The following PCDH15 variants were observed in gnomAD, a reference collection of about 807,000 sequenced individuals.
PCDH15 encodes protocadherin-15.
Under a neutral mutation model 178.5 loss-of-function variants are expected in PCDH15, and 129 were observed. That is an observed-to-expected ratio of 0.72 (90% CI 0.63 to 0.84). The LOEUF (loss-of-function observed/expected upper bound fraction) is 0.84, where lower values mean the gene tolerates loss of function less well. Ranked by LOEUF, PCDH15 falls within the 40% of genes least tolerant of loss-of-function variation. The pLI, the probability that PCDH15 is intolerant of heterozygous loss-of-function variation, is 0.00. For synonymous variants in PCDH15, 800 were observed against 732.0 expected (o/e 1.09, Z -1.50); for missense variants, 2,230 against 2,099.9 (o/e 1.06, Z -1.21).
chr10:54,711,572 G>T (rs932969909), intron 1 of PCDH15, among the ~76,000 whole-genome samples: 2 of 151,770 alleles, frequency 1.3e-5, no homozygotes, highest in Non-Finnish European at 2.9e-5. Context: ...AGTAGGTATA[G>T]ACCTTAAAGT....
rs145667993 is a variant in PCDH15 at position 55,300,637 on chromosome 10, A to T, written c.-156+18962T>A. Reference sequence around the variant, plus strand: ...TGATGAGATTTTTCCGGGAATTCTTAAAAAATTAAGCTCAAGTATTACATT... The same window carrying T: ...TGATGAGATTTTTCCGGGAATTCTTTAAAAATTAAGCTCAAGTATTACATT... On this transcript the variant is annotated intron_variant, in intron 1 of 5. Transcript: ENST00000458638. Among the ~76,000 whole-genome samples the T allele has an allele frequency of 9.9e-5, 15 of 152,284 alleles. 1 individual carries two copies. Among genetic ancestry groups the T allele is most frequent in the Middle Eastern group, 6.8e-3 (2 of 294 alleles).
intron 8 of PCDH15, among the ~76,000 whole-genome samples, chr10:54,310,583 C>T (rs1202442608): frequency 2.0e-5 from 3 of 151,826 alleles, no homozygotes; most frequent in Non-Finnish European, 4.4e-5. Context: ...AGGCATCTGC[C>T]AGAAACACAG....
chr10:54,798,299 G>A (rs1043481978), intron 1 of PCDH15, among the ~76,000 whole-genome samples: 3 of 151,702 alleles, frequency 2.0e-5, no homozygotes, highest in Middle Eastern at 3.2e-3. Flanking sequence ...AATAAATGAA[G>A]CCCCACAGGT....
rs146467239 is a variant in PCDH15 at position 55,352,665 on chromosome 10, G to A, written c.-155-186014C>T. On this transcript the variant is annotated intron_variant, in intron 2 of 5. Coordinates refer to the PCDH15 transcript ENST00000613346. ...CTGAGCGAAAATCAAAAAAGTCATC[G>A]TTTTGAAGTGTTGTCTCCTCTTATT... 3.2e-4 allele frequency among the ~76,000 whole-genome samples: 48 copies of A among 152,168 alleles called. 1 individual carries two copies. In the East Asian group the frequency reaches 8.3e-3, roughly 26 times the overall value.
intron 18 of PCDH15, among the ~76,000 whole-genome samples, chr10:54,054,782 A>T (rs2093850046): frequency 6.6e-6 from 1 of 152,016 alleles, no homozygotes; most frequent in Non-Finnish European, 1.5e-5. Context: ...TATGTAGCAC[A>T]TTTATATTGA....
At chr10:54,255,956 C>T (rs751873556) in intron 8 of PCDH15, among the ~76,000 whole-genome samples, 6 of 152,140 alleles carry the variant, frequency 3.9e-5, no homozygotes, top group Non-Finnish European at 8.8e-5. Context: ...ACAAGAATAA[C>T]TTAAACTCCT....
At chr10:54,247,965 T>TATATAA (rs1219174871) in intron 8 of PCDH15, among the ~76,000 whole-genome samples, 213 of 140,774 alleles carry the variant, frequency 1.5e-3, no homozygotes, top group African/African-American at 4.8e-3. Context: ...TATATACACA[T>TATATAA]ACAGTAAATG....
chr10:55,434,628 C>CAA (rs1360347974), intron 2 of PCDH15, among the ~76,000 whole-genome samples: 1 of 146,128 alleles, frequency 6.8e-6, no homozygotes, highest in Admixed American at 6.8e-5. Context: ...TTTTTTGAGA[C>CAA]AGAGTCTTGC....
chr10:54,088,597 G>T (rs909447032), intron 16 of PCDH15, among the ~76,000 whole-genome samples: 1 of 152,046 alleles, frequency 6.6e-6, no homozygotes, highest in Non-Finnish European at 1.5e-5. Flanking sequence ...TGCATTTTGT[G>T]TCATATCTCA....
At chr10:54,092,726 T>C (rs1253187918) in intron 15 of PCDH15, among the ~76,000 whole-genome samples, 2 of 152,160 alleles carry the variant, frequency 1.3e-5, no homozygotes, top group African/African-American at 4.8e-5. Context: ...CAAATAATGA[T>C]ACTCAGCTAA....
At chr10:54,663,267 G>T (rs1383334921) in intron 2 of PCDH15, among the ~76,000 whole-genome samples, 1 of 151,688 alleles carries the variant, frequency 6.6e-6, no homozygotes, top group African/African-American at 2.4e-5. Flanking sequence ...AGAGCAACCA[G>T]TTTGCTTGTC....
intron 2 of PCDH15, among the ~76,000 whole-genome samples, chr10:55,580,466 T>C (rs1220462121): frequency 6.6e-6 from 1 of 151,742 alleles, no homozygotes; most frequent in African/African-American, 2.4e-5. Context: ...CAAGCAATTC[T>C]CCTGCCTCAG....
In PCDH15 at chr10:54,757,369, G is replaced by A. The variant is rs1947294492; in HGVS notation, c.-29+43556C>T. ...GCGATCTCGACTCACTGCAAGCTCCGCCTCCCGGGTTCACGCCATTCTCCT... is the reference window on the plus strand; with the variant it reads ...GCGATCTCGACTCACTGCAAGCTCCACCTCCCGGGTTCACGCCATTCTCCT... On this transcript the variant is annotated intron_variant, in intron 1 of 37. Coordinates refer to ENST00000644397, the MANE Select transcript of PCDH15 (RefSeq NM_001384140.1). 2.6e-5 allele frequency among the ~76,000 whole-genome samples: 2 copies of A among 75,708 alleles called. 1 individual carries two copies. The highest frequency in any genetic ancestry group is 8.1e-4 in the South Asian group (2 of 2,454). The allele number at this position is 75,708 out of a possible 152,430, so 49.7% of individuals were successfully genotyped here.
At chr10:55,025,705 CTTAT>C (rs1170365740) in intron 2 of PCDH15, among the ~76,000 whole-genome samples, 1 of 151,832 alleles carries the variant, frequency 6.6e-6, no homozygotes, top group Non-Finnish European at 1.5e-5. Context: ...GATTTTATAA[CTTAT>C]TTATACTTGT....
At chr10:54,976,363 A>C (rs1839070323) in intron 2 of PCDH15, among the ~76,000 whole-genome samples, 1 of 152,130 alleles carries the variant, frequency 6.6e-6, no homozygotes, top group African/African-American at 2.4e-5. Flanking sequence ...GAGTTTAATT[A>C]ATGGTAGGCT....
chr10:54,895,540 C>A (rs1211176933), intron 3 of PCDH15, among the ~76,000 whole-genome samples: 3 of 152,022 alleles, frequency 2.0e-5, no homozygotes, highest in African/African-American at 7.2e-5. Context: ...AGGATTTTGC[C>A]CCCTTTGCAC....
intron 14 of PCDH15, among the ~76,000 whole-genome samples, chr10:54,151,265 G>A (rs2044499938): frequency 6.6e-6 from 1 of 152,170 alleles, no homozygotes. Context: ...TGGAGGCCAG[G>A]CGTCGTGGCT....
At chr10:54,250,770 A>G (rs1010298865) in intron 8 of PCDH15, among the ~76,000 whole-genome samples, 5 of 152,212 alleles carry the variant, frequency 3.3e-5, no homozygotes, top group African/African-American at 1.2e-4. Context: ...ATGGAATGCC[A>G]AACAAGAAAA....
chr10:54,453,316 T>A (rs1428471312), intron 3 of PCDH15, among the ~76,000 whole-genome samples: 1 of 152,140 alleles, frequency 6.6e-6, no homozygotes, highest in East Asian at 1.9e-4. Context: ...CATGGAATAC[T>A]ATGCAGCCAT....
Sources: gnomAD v4.1 joint callset for allele counts (sites outside exome capture counted in the v4.1 genomes callset) on GRCh38, gnomAD v4.1.1 for gene constraint, MANE v1.5 for transcripts, NCBI Gene and HGNC (gene_info 2026-07-23, HGNC 2026-07-21) for gene names.